Variants in MBD5 observed in about 807,000 individuals in gnomAD.
MBD5 encodes the protein methyl-CpG binding domain protein 5.
A neutral mutation model predicts 117.3 loss-of-function variants in MBD5; 13 were observed. The observed-to-expected ratio is 0.11, with a 90% confidence interval of 0.07 to 0.18. The LOEUF (loss-of-function observed/expected upper bound fraction) is 0.18. MBD5 is among the 10% of genes least tolerant of loss of function. MBD5 has a pLI of 1.00. For missense variants in MBD5, 1,879 were observed against 2,093.8 expected (o/e 0.90, Z 2.00); for synonymous variants, 727 against 766.4 (o/e 0.95, Z 0.85).
At chr2:148,331,230 A>G (rs187351684) in intron 3 of MBD5, among the ~76,000 whole-genome samples, 5 of 152,312 alleles carry the variant, frequency 3.3e-5, no homozygotes, top group African/African-American at 1.2e-4. Context: ...TATTAAAGTT[A>G]ATTTTATGCT....
intron 2 of MBD5, among the ~76,000 whole-genome samples, chr2:148,232,070 A>G (rs537545899): frequency 6.6e-6 from 1 of 152,330 alleles, no homozygotes; most frequent in East Asian, 1.9e-4. Flanking sequence ...GGGAACAGAC[A>G]TGTCGTTATC....
At chr2:148,148,639 T>C (rs1697539746) in intron 1 of MBD5, among the ~76,000 whole-genome samples, 1 of 152,172 alleles carries the variant, frequency 6.6e-6, no homozygotes, top group African/African-American at 2.4e-5. Context: ...TTAGATGTTT[T>C]TGTTCTTCTT....
At chr2:148,207,202 C>T (rs985545030) in intron 2 of MBD5, among the ~76,000 whole-genome samples, 16 of 152,092 alleles carry the variant, frequency 1.1e-4, no homozygotes, top group Non-Finnish European at 4.4e-5. Context: ...GGTAAATGGG[C>T]TAGCATTATC....
At chr2:148,229,868 G>A (rs1699938084) in intron 2 of MBD5, among the ~76,000 whole-genome samples, 2 of 152,070 alleles carry the variant, frequency 1.3e-5, no homozygotes, top group African/African-American at 4.8e-5. Context: ...GAGTCTGTCT[G>A]TCCCACCCCA....
intron 4 of MBD5, among the ~76,000 whole-genome samples, chr2:148,345,418 C>T (rs1211866500): frequency 1.5e-5 from 2 of 133,128 alleles, no homozygotes; most frequent in Admixed American, 7.3e-5. Context: ...TATACATATA[C>T]ATATATACAC....
intron 4 of MBD5, among the ~76,000 whole-genome samples, chr2:148,409,931 A>G (rs921350422): frequency 3.3e-5 from 5 of 152,120 alleles, no homozygotes; most frequent in African/African-American, 1.2e-4. Flanking sequence ...TGTTTTATAG[A>G]TTATTCATTC....
intron 4 of MBD5, among the ~76,000 whole-genome samples, chr2:148,366,021 A>G (rs1324000760): frequency 2.0e-5 from 3 of 152,192 alleles, no homozygotes; most frequent in African/African-American, 7.2e-5. Context: ...GAGACACAAC[A>G]GAAATACTAA....
At chr2:148,266,007 GGAGA>G (rs369391677) in intron 3 of MBD5, among the ~76,000 whole-genome samples, 1 of 151,900 alleles carries the variant, frequency 6.6e-6, no homozygotes, top group Admixed American at 6.6e-5. Flanking sequence ...AGATTGGGGT[GGAGA>G]GAGAGAGAAG....
At chr2:148,106,621 T>A (rs1696379981) in intron 1 of MBD5, among the ~76,000 whole-genome samples, 1 of 151,898 alleles carries the variant, frequency 6.6e-6, no homozygotes, top group East Asian at 1.9e-4. Context: ...TTTTTTACTT[T>A]TTTCTCCTTT....
At chr2:148,256,399 C>G (rs1056500724) in intron 3 of MBD5, among the ~76,000 whole-genome samples, 3 of 152,228 alleles carry the variant, frequency 2.0e-5, no homozygotes, top group Non-Finnish European at 4.4e-5. Context: ...TGGCCTGACA[C>G]ATGATAAACG....
intron 2 of MBD5, among the ~76,000 whole-genome samples, chr2:148,228,979 G>A (rs893041161): frequency 3.3e-5 from 5 of 151,906 alleles, no homozygotes; most frequent in Non-Finnish European, 2.9e-5. Context: ...TTTTTATTGC[G>A]TCTATTTGAT....
At chr2:148,141,509 T>G (rs1697312886) in intron 1 of MBD5, among the ~76,000 whole-genome samples, 1 of 152,186 alleles carries the variant, frequency 6.6e-6, no homozygotes, top group Admixed American at 6.5e-5. Context: ...ACAAATAGTA[T>G]AATGGAATTT....
intron 3 of MBD5, among the ~76,000 whole-genome samples, chr2:148,305,853 A>G (rs548801283): frequency 6.6e-6 from 1 of 152,324 alleles, no homozygotes; most frequent in South Asian, 2.1e-4. Context: ...CAAGTATATA[A>G]TGAAACCTCA....
chr2:148,194,522 A>G (rs1203270448), intron 2 of MBD5, among the ~76,000 whole-genome samples: 1 of 70,708 alleles, frequency 1.4e-5, no homozygotes, highest in Admixed American at 1.8e-4. Flanking sequence ...AAAAAACCAA[A>G]CACCGCATAT....
intron 3 of MBD5, among the ~76,000 whole-genome samples, chr2:148,298,211 G>A (rs1339093630): frequency 1.3e-5 from 2 of 152,182 alleles, no homozygotes; most frequent in Non-Finnish European, 2.9e-5. Context: ...GGAACCCCTG[G>A]CCTCTCAACT....
At chr2:148,243,232 G>T (rs2106203388) in intron 3 of MBD5, among the ~76,000 whole-genome samples, 2 of 151,782 alleles carry the variant, frequency 1.3e-5, no homozygotes, top group South Asian at 4.2e-4. Context: ...TGTCAGTCCT[G>T]TCAGGACGTG....
chr2:148,092,502 T>A (rs1695969166), intron 1 of MBD5, among the ~76,000 whole-genome samples: 1 of 152,130 alleles, frequency 6.6e-6, no homozygotes, highest in Admixed American at 6.5e-5. Context: ...AGGAATGAAA[T>A]AGTGGTATCC....
intron 4 of MBD5, 33 bp from the exon 5 acceptor site, chr2:148,458,170 A>C (rs1055066216): frequency 2.5e-6 from 1 of 398,772 alleles, no homozygotes; most frequent in Non-Finnish European, 4.4e-6. Context: ...TCAACATTAA[A>C]TATACAAGTT....
chr2:148,256,666 G>A (rs1450653775), intron 3 of MBD5, among the ~76,000 whole-genome samples: 1 of 152,218 alleles, frequency 6.6e-6, no homozygotes, highest in South Asian at 2.1e-4. Flanking sequence ...TCAGTACTAG[G>A]TTGGACTGCA....
Sources: gnomAD v4.1 joint callset for allele counts (sites outside exome capture counted in the v4.1 genomes callset) on GRCh38, gnomAD v4.1.1 for gene constraint, MANE v1.5 for transcripts, NCBI Gene and HGNC (gene_info 2026-07-23, HGNC 2026-07-21) for gene names.